FREM1: variants seen among roughly 807,000 people sequenced by gnomAD.
The protein encoded by FREM1 is FRAS1-related extracellular matrix protein 1.
A neutral mutation model predicts 210.1 loss-of-function variants in FREM1; 220 were observed. That is an observed-to-expected ratio of 1.05 (90% CI 0.94 to 1.17). FREM1 has a LOEUF of 1.17. FREM1 is among the 50% of genes most tolerant of loss of function. FREM1 has a pLI of 0.00. For synonymous variants in FREM1, 1,189 were observed against 980.2 expected (o/e 1.21, Z -3.98); for missense variants, 3,454 against 2,675.5 (o/e 1.29, Z -6.42).
chr9:14,750,919 A>G (rs549522475), intron 29 of FREM1, among the ~76,000 whole-genome samples: 17 of 152,282 alleles, frequency 1.1e-4, no homozygotes, highest in African/African-American at 4.1e-4. Context: ...TGAAGTTACA[A>G]TCAAGCTTGG....
At chr9:14,849,938 T>C (rs1217064395) in intron 6 of FREM1, among the ~76,000 whole-genome samples, 1 of 152,144 alleles carries the variant, frequency 6.6e-6, no homozygotes, top group African/African-American at 2.4e-5. Flanking sequence ...CCACAGACTA[T>C]GATGAAAAGG....
chr9:14,870,969 A>G (rs1238194421), intron 1 of FREM1, among the ~76,000 whole-genome samples: 3 of 151,776 alleles, frequency 2.0e-5, no homozygotes, highest in Non-Finnish European at 2.9e-5. Context: ...CCATGTCCCT[A>G]CAAAGGACAT....
rs917238790 is a variant in FREM1 at position 14,805,064 on chromosome 9, G to A, written c.3363C>T (p.Phe1121=). The change falls in exon 19 of 37, where the codon TTC becomes TTT. Residue 1121 remains phenylalanine (F), a synonymous_variant. Transcript: ENST00000380880. The part of the protein sequence containing the change: ...HLRIEPTADQ[F]TVYVTDGKHH... ...GCTTCCCATCTGTGACGTACACCGT[G>A]AACTGGTCGGCAGTTGGTTCTATCC... 1 of 1,612,888 alleles carries A rather than the reference G, an allele frequency of 6.2e-7. No homozygotes were observed. Among genetic ancestry groups the A allele is most frequent in the East Asian group, 2.2e-5 (1 of 44,868 alleles).
chr9:14,824,246 T>G (rs1051938752), intron 11 of FREM1, 131 bp from the exon 12 acceptor site: 2 of 606,960 alleles, frequency 3.3e-6, no homozygotes, highest in Non-Finnish European at 2.9e-6. Flanking sequence ...ATATTCTCTC[T>G]TTATGTTGGG....
intron 36 of FREM1, among the ~76,000 whole-genome samples, 198 bp from the exon 37 acceptor site, chr9:14,737,793 G>T (rs1587593588): frequency 6.6e-6 from 1 of 152,088 alleles, no homozygotes; most frequent in East Asian, 1.9e-4. Context: ...CCACTTACTT[G>T]CTAGATGAGC....
Position 14,737,480 on chromosome 9 carries a change from A to C in FREM1, c.6456T>G (p.Val2152=), listed in dbSNP as rs1352047866. The change falls in exon 37 of 37, where the codon GTT becomes GTG. Residue 2152 remains valine, a synonymous_variant. Coordinates refer to ENST00000380880, the MANE Select transcript of FREM1 (RefSeq NM_001379081.2). The part of the protein sequence containing the change: ...SQRSKLGKSC[V]LVQRQGKWQT... ...GCCATTTCCCTTGTCTTTGAACCAA[A>C]ACACAGCTCTTTCCAAGCTTGGAGC... 5.0e-6 allele frequency: 8 copies of C among 1,613,640 alleles called. 1 individual carries two copies. The Admixed American group carries it at 6.7e-5, about 13-fold the overall frequency.
chr9:14,805,191 A>T, intron 18 of FREM1, 39 bp from the exon 19 acceptor site: 3 of 1,330,654 alleles, frequency 2.3e-6, no homozygotes, highest in Non-Finnish European at 3.0e-6. Flanking sequence ...ATAAAAAAAA[A>T]ATTTTTCCAA....
intron 16 of FREM1, among the ~76,000 whole-genome samples, chr9:14,809,078 T>C (rs949828986): frequency 2.0e-5 from 3 of 152,184 alleles, no homozygotes; most frequent in Non-Finnish European, 4.4e-5. Context: ...ACTGAATTTA[T>C]GGGGGCAGGT....
chr9:14,849,405 C>T (rs1464791024), intron 6 of FREM1, among the ~76,000 whole-genome samples: 2 of 152,102 alleles, frequency 1.3e-5, no homozygotes, highest in Non-Finnish European at 2.9e-5. Context: ...AAATTCATAA[C>T]TAATAAGTAA....
Position 14,857,625 on chromosome 9 carries a change from G to A in FREM1, c.756C>T (p.Pro252=), listed in dbSNP as rs1420746133. 1 of 1,613,818 alleles carries A rather than the reference G, an allele frequency of 6.2e-7. No homozygotes were observed. The change falls in exon 5 of 37, where the codon CCC becomes CCT. Residue 252 remains proline (P), a synonymous_variant. Transcript: ENST00000380880. ...AGATATAATCAATGTTGGGTGAAGG[G>A]GGATCCAGATGCTGATAACGAAGGC... The part of the protein sequence containing the change: ...LMGLRYQHLD[P]PSPNIDYISI...
chr9:14,850,748 A>G (rs1026582406), intron 6 of FREM1, among the ~76,000 whole-genome samples: 1 of 152,224 alleles, frequency 6.6e-6, no homozygotes, highest in Admixed American at 6.5e-5. Context: ...TGTTAAAAAT[A>G]AAAGAATTGT....
At position 14,769,842 on chromosome 9, in the gene FREM1, G is replaced by A. The variant is rs1173180371; in HGVS notation, c.5086C>T (p.Gln1696Ter). 3.8e-6 allele frequency: 6 copies of A among 1,560,566 alleles called. No homozygotes were observed. Residue 1696 changes from glutamine to a stop codon, truncating the protein, a stop_gained, in exon 27 of 37, where the codon CAA becomes TAA. Coordinates refer to ENST00000380880, the MANE Select transcript of FREM1 (RefSeq NM_001379081.2). LOFTEE classifies it high-confidence loss of function. ...ATAGTCTTACTGTTTAAGTCCTTTT[G>A]GCTAAATTTCTCATGGATAAATTCA... ...TGEFIHEKFS[Q>*]KDLNSKTILY...
chr9:14,814,200 T>A lies in FREM1; in HGVS notation c.2641-1136A>T, dbSNP rs556613568. ...ATTCAGCTAATTTAGGGGCTTCTATTATTTACTCTATTTTAGCATCCTATT... is the reference window on the plus strand; with the variant it reads ...ATTCAGCTAATTTAGGGGCTTCTATAATTTACTCTATTTTAGCATCCTATT... On this transcript the variant is annotated intron_variant, in intron 15 of 36. Coordinates refer to ENST00000380880, the MANE Select transcript of FREM1 (RefSeq NM_001379081.2). Among the ~76,000 whole-genome samples, 44 of 152,340 alleles carry A rather than the reference T, an allele frequency of 2.9e-4. 1 individual carries two copies. The South Asian group carries it at 7.7e-3, about 27-fold the overall frequency.
chr9:14,884,982 T>C (rs1835523011), intron 1 of FREM1, among the ~76,000 whole-genome samples: 1 of 122,868 alleles, frequency 8.1e-6, no homozygotes, highest in Non-Finnish European at 1.6e-5. Context: ...TGGAGTGCAG[T>C]GGTGCGATCT....
chr9:14,870,712 G>C (rs1832495236), intron 1 of FREM1, among the ~76,000 whole-genome samples: 1 of 151,554 alleles, frequency 6.6e-6, no homozygotes. Flanking sequence ...GTGCAGGTTA[G>C]TTACATATGT....
At chr9:14,767,627 C>A (rs995851888) in intron 27 of FREM1, among the ~76,000 whole-genome samples, 4 of 152,118 alleles carry the variant, frequency 2.6e-5, no homozygotes, top group Non-Finnish European at 5.9e-5. Context: ...CTACGTTCTG[C>A]CTGGCTGTCT....
At chr9:14,799,922 T>G (rs1023564388) in intron 20 of FREM1, among the ~76,000 whole-genome samples, 8 of 151,244 alleles carry the variant, frequency 5.3e-5, no homozygotes, top group African/African-American at 1.9e-4. Flanking sequence ...GCACTAGATA[T>G]ATCTCCTAAT....
At chr9:14,757,033 G>A (rs1844515917) in intron 28 of FREM1, among the ~76,000 whole-genome samples, 1 of 148,760 alleles carries the variant, frequency 6.7e-6, no homozygotes, top group Admixed American at 6.7e-5. Flanking sequence ...CGGAAGACCT[G>A]GTGAACAACC....
Position 14,842,441 on chromosome 9 carries a change from A to G in FREM1, c.1613T>C (p.Ile538Thr). 6.2e-7 allele frequency: 1 copy of G among 1,614,014 alleles called. No homozygotes were observed. The highest frequency in any genetic ancestry group is 1.3e-5 in the African/African-American group (1 of 75,060). Residue 538 changes from isoleucine (I) to threonine (T), a missense_variant, in exon 9 of 37, where the codon ATC (isoleucine) becomes ACC (threonine). Coordinates refer to ENST00000380880, the MANE Select transcript of FREM1 (RefSeq NM_001379081.2). ...VVIELEEGQT[I>T]LIQGSMLRAS... ...TCGCAGCATGGATCCCTGGATCAGG[A>G]TGGTCTGCCCCTCCTCCAGTTCAAT...
Sources: gnomAD v4.1 joint callset for allele counts (sites outside exome capture counted in the v4.1 genomes callset) on GRCh38, gnomAD v4.1.1 for gene constraint, MANE v1.5 for transcripts, NCBI Gene and HGNC (gene_info 2026-07-23, HGNC 2026-07-21) for gene names.